GRM8: variants seen among roughly 807,000 people sequenced by gnomAD.
GRM8 encodes the protein glutamate metabotropic receptor 8, also known as metabotropic glutamate receptor 8.
A neutral mutation model predicts 87.2 loss-of-function variants in GRM8; 47 were observed. The observed-to-expected ratio is 0.54, with a 90% confidence interval of 0.43 to 0.69. The LOEUF (loss-of-function observed/expected upper bound fraction) is 0.69. GRM8 is among the 30% of genes least tolerant of loss of function. The probability of loss-of-function intolerance (pLI) is 0.00; values close to 1 mark genes in which losing one functional copy is unlikely to be tolerated. For synonymous variants in GRM8, 396 were observed against 404.5 expected, an observed-to-expected ratio of 0.98 and a Z score of 0.25; for missense variants, 1,019 against 1,139.2, an observed-to-expected ratio of 0.89 and a Z score of 1.52.
rs550378317 is a variant in GRM8, at chr7:127,252,856, GCGCCGC to G, written c.-377_-372del. 29 of 217,872 alleles carry G rather than the reference GCGCCGC, an allele frequency of 1.3e-4. No individual in the cohort carries two copies. The highest frequency in any genetic ancestry group is 4.6e-4 in the South Asian group (7 of 15,310). 13.5% of individuals were successfully genotyped at this position (217,872 alleles called of 1,614,324 possible). On this transcript the variant is annotated 5_prime_UTR_variant, in exon 1 of 11. Coordinates refer to ENST00000339582, the MANE Select transcript of GRM8 (RefSeq NM_000845.3). The surrounding 1 kb of genome is among the most constrained non-coding windows in gnomAD (Gnocchi z 4.9). ...GCCGGGGGCCCGCAGCTCCATGTCA[GCGCCGC>G]CGCCGCCGCCGCCGCCGCCGCGTGA...
intron 7 of GRM8, among the ~76,000 whole-genome samples, chr7:126,754,781 T>C (rs1169815541): frequency 3.3e-5 from 5 of 151,942 alleles, no homozygotes; most frequent in African/African-American, 1.2e-4. Context: ...GACTTAAAGC[T>C]ATTCAGCTGA....
chr7:127,160,525 T>TCACGCA (rs766240883), intron 2 of GRM8, among the ~76,000 whole-genome samples: 1 of 98,358 alleles, frequency 1.0e-5, no homozygotes, highest in Non-Finnish European at 2.2e-5. Context: ...GGAGGCTCCA[T>TCACGCA]CACGCGCGCG....
intron 7 of GRM8, among the ~76,000 whole-genome samples, chr7:126,711,437 T>C (rs925203210): frequency 1.3e-5 from 2 of 152,166 alleles, no homozygotes; most frequent in African/African-American, 4.8e-5. Context: ...TAAACAAATA[T>C]GATATCAACT....
chr7:127,183,486 T>C (rs988437721), intron 2 of GRM8, among the ~76,000 whole-genome samples: 1 of 151,802 alleles, frequency 6.6e-6, no homozygotes, highest in Non-Finnish European at 1.5e-5. Context: ...ACTGAAAATA[T>C]TCTGAACAAA....
chr7:127,122,712 C>G (rs1827157667), intron 2 of GRM8, among the ~76,000 whole-genome samples: 1 of 151,310 alleles, frequency 6.6e-6, no homozygotes, highest in Non-Finnish European at 1.5e-5. Context: ...CTTTTGTAAA[C>G]AAATAAATAG....
chr7:126,488,783 G>T (rs1355435549), intron 9 of GRM8, among the ~76,000 whole-genome samples: 1 of 151,842 alleles, frequency 6.6e-6, no homozygotes, highest in Non-Finnish European at 1.5e-5. Flanking sequence ...TAGTTCTTCT[G>T]ACTTTGCTAT....
At chr7:126,617,296 T>C (rs1799608923) in intron 7 of GRM8, among the ~76,000 whole-genome samples, 1 of 152,206 alleles carries the variant, frequency 6.6e-6, no homozygotes, top group Non-Finnish European at 1.5e-5. Flanking sequence ...TCTCAATAGA[T>C]GAAGAAAAGG....
chr7:126,587,888 T>G (rs2151032006), intron 8 of GRM8, among the ~76,000 whole-genome samples: 1 of 149,786 alleles, frequency 6.7e-6, no homozygotes, highest in East Asian at 2.0e-4. Flanking sequence ...ACTAAATTTA[T>G]GTAATTAAAA....
chr7:126,468,797 A>C (rs937620523), intron 9 of GRM8, among the ~76,000 whole-genome samples: 3 of 152,146 alleles, frequency 2.0e-5, no homozygotes, highest in Non-Finnish European at 4.4e-5. Context: ...TAAATGGTTA[A>C]CGATAAGCCT....
At chr7:127,091,398 C>G (rs1387429781) in intron 3 of GRM8, among the ~76,000 whole-genome samples, 1 of 132,662 alleles carries the variant, frequency 7.5e-6, no homozygotes, top group South Asian at 2.8e-4. Context: ...GTCATCCCCC[C>G]ACCACCATCC....
At chr7:127,235,030 G>C (rs1311870942) in intron 2 of GRM8, among the ~76,000 whole-genome samples, 1 of 152,160 alleles carries the variant, frequency 6.6e-6, no homozygotes, top group African/African-American at 2.4e-5. Context: ...TATTTACATA[G>C]ACCCTGACTT....
intron 3 of GRM8, among the ~76,000 whole-genome samples, chr7:127,041,361 A>G (rs961206214): frequency 6.6e-6 from 1 of 152,220 alleles, no homozygotes; most frequent in East Asian, 1.9e-4. Context: ...TATATGACAT[A>G]TGGGCTCCCA....
intron 2 of GRM8, among the ~76,000 whole-genome samples, chr7:127,144,173 T>C (rs1828428518): frequency 6.6e-6 from 1 of 152,096 alleles, no homozygotes; most frequent in South Asian, 2.1e-4. Context: ...AAACTACATA[T>C]TTGTTATGCT....
At chr7:126,462,468 T>C (rs549335124) in intron 9 of GRM8, among the ~76,000 whole-genome samples, 6 of 151,734 alleles carry the variant, frequency 4.0e-5, no homozygotes, top group Admixed American at 1.3e-4. Context: ...TAGACGTTTG[T>C]GGATGGCATA....
intron 9 of GRM8, among the ~76,000 whole-genome samples, chr7:126,473,023 T>C (rs1360542540): frequency 6.6e-6 from 1 of 152,204 alleles, no homozygotes; most frequent in African/African-American, 2.4e-5. Context: ...AGAGGTGTGC[T>C]GCAGGGATGG....
At chr7:127,037,499 G>A (rs1010093722) in intron 3 of GRM8, among the ~76,000 whole-genome samples, 1 of 152,140 alleles carries the variant, frequency 6.6e-6, no homozygotes, top group African/African-American at 2.4e-5. Flanking sequence ...CTCTTGCTCT[G>A]TTCTTGCCCC....
intron 7 of GRM8, among the ~76,000 whole-genome samples, chr7:126,643,193 G>A (rs1354502823): frequency 1.3e-5 from 2 of 148,816 alleles, no homozygotes; most frequent in African/African-American, 5.0e-5. Flanking sequence ...GGGAGGCTGA[G>A]GTAGAAAGAT....
chr7:127,234,980 G>GA (rs1797899081), intron 2 of GRM8, among the ~76,000 whole-genome samples: 1 of 152,218 alleles, frequency 6.6e-6, no homozygotes, highest in South Asian at 2.1e-4. Flanking sequence ...TCTCTAGGGT[G>GA]AATGGGTAGA....
chr7:126,638,112 T>C (rs930500954), intron 7 of GRM8, among the ~76,000 whole-genome samples: 1 of 152,176 alleles, frequency 6.6e-6, no homozygotes, highest in Non-Finnish European at 1.5e-5. Flanking sequence ...TGTGATATGA[T>C]TTTTTTAAAT....
Sources: gnomAD v4.1 joint callset for allele counts (sites outside exome capture counted in the v4.1 genomes callset) on GRCh38, gnomAD v4.1.1 for gene constraint, Gnocchi (gnomAD v3.1) non-coding constraint, MANE v1.5 for transcripts, NCBI Gene and HGNC (gene_info 2026-07-23, HGNC 2026-07-21) for gene names.